HCN1: variants seen among roughly 807,000 people sequenced by gnomAD.
The protein encoded by HCN1 is hyperpolarization activated cyclic nucleotide gated potassium channel 1, also known as potassium/sodium hyperpolarization-activated cyclic nucleotide-gated channel 1.
In HCN1, 13 loss-of-function variants were observed where a neutral mutation model predicts 78.9. The ratio of observed to expected loss-of-function variants is 0.16; its 90% CI spans 0.11 to 0.26. The LOEUF (loss-of-function observed/expected upper bound fraction) is 0.26, where lower values mean the gene tolerates loss of function less well. Ranked by LOEUF, HCN1 falls within the 10% of genes least tolerant of loss-of-function variation. HCN1 has a pLI of 1.00. For synonymous variants in HCN1, 552 were observed against 455.5 expected (o/e 1.21, Z -2.70); for missense variants, 810 against 1,154.3 (o/e 0.70, Z 4.32).
In HCN1 at chr5:45,399,195, C is replaced by G. The variant is rs139436137; in HGVS notation, c.1012-2485G>C. ...TCTCCTGCTGCTACAGATAGTCACT[C>G]CTAATCTGGGACCAGTCCTGGTTTG... On this transcript the variant is annotated intron_variant, in intron 3 of 7. Transcript: ENST00000303230. Among the ~76,000 whole-genome samples, 900 of 152,246 alleles carry G rather than the reference C, an allele frequency of 5.9e-3. 13 individuals are homozygous for G. The highest frequency in any genetic ancestry group is 0.019 in the African/African-American group (788 of 41,536).
chr5:45,474,282 T>C (rs752910857), intron 2 of HCN1, among the ~76,000 whole-genome samples: 7 of 151,878 alleles, frequency 4.6e-5, no homozygotes, highest in East Asian at 1.9e-4. Flanking sequence ...ATCCTCTACA[T>C]AGTATAATAC....
chr5:45,581,327 A>T (rs1261870092), intron 2 of HCN1, among the ~76,000 whole-genome samples: 2 of 152,134 alleles, frequency 1.3e-5, no homozygotes, highest in Admixed American at 1.3e-4. Flanking sequence ...TCGGCTGAGA[A>T]GTGTCTGTTT....
At chr5:45,477,904 G>T (rs1741553146) in intron 2 of HCN1, among the ~76,000 whole-genome samples, 1 of 152,072 alleles carries the variant, frequency 6.6e-6, no homozygotes, top group Non-Finnish European at 1.5e-5. Context: ...GGTTAACTTG[G>T]AATATATTAT....
In HCN1 at chr5:45,359,013, T is replaced by C. The variant is rs1400642760; in HGVS notation, c.1231-5767A>G. On this transcript the variant is annotated intron_variant, in intron 4 of 7. Transcript: ENST00000303230. Reference sequence around the variant, plus strand: ...TCTGTCTTGCCATGCCATAAGCCCCTATTCTTTCTGTAACCCCAAGATGGT... The same window carrying C: ...TCTGTCTTGCCATGCCATAAGCCCCCATTCTTTCTGTAACCCCAAGATGGT... Among the ~76,000 whole-genome samples the C allele has an allele frequency of 2.0e-5, 3 of 152,136 alleles. No individual in the cohort carries two copies. In the East Asian group the frequency reaches 5.8e-4, roughly 29 times the overall value.
chr5:45,281,132 G>T (rs1017001904), intron 6 of HCN1, among the ~76,000 whole-genome samples: 1 of 152,068 alleles, frequency 6.6e-6, no homozygotes, highest in African/African-American at 2.4e-5. Context: ...TTAGTATGTT[G>T]ATATGGTTTG....
At chr5:45,399,733 C>T (rs1739756193) in intron 3 of HCN1, among the ~76,000 whole-genome samples, 1 of 152,016 alleles carries the variant, frequency 6.6e-6, no homozygotes, top group Non-Finnish European at 1.5e-5. Flanking sequence ...AAATAACTAG[C>T]CCCATTTAGC....
At chr5:45,324,044 T>A (rs970648406) in intron 5 of HCN1, among the ~76,000 whole-genome samples, 3 of 151,740 alleles carry the variant, frequency 2.0e-5, no homozygotes, top group Non-Finnish European at 4.4e-5. Context: ...TCTTTATAGC[T>A]GCATGATTTA....
chr5:45,500,720 C>G (rs566750217), intron 2 of HCN1, among the ~76,000 whole-genome samples: 1 of 152,074 alleles, frequency 6.6e-6, no homozygotes, highest in Non-Finnish European at 1.5e-5. Flanking sequence ...CAAAATCACA[C>G]AAAAAGTTTT....
At chr5:45,443,666 T>G (rs1320879984) in intron 3 of HCN1, among the ~76,000 whole-genome samples, 1 of 152,112 alleles carries the variant, frequency 6.6e-6, no homozygotes. Context: ...ATGTTAGGGC[T>G]GACATTACTT....
intron 2 of HCN1, among the ~76,000 whole-genome samples, chr5:45,498,616 C>T (rs528962828): frequency 3.3e-5 from 5 of 152,298 alleles, no homozygotes; most frequent in Non-Finnish European, 7.3e-5. Flanking sequence ...AGCTTCCTTC[C>T]GTTGCTGGTG....
intron 2 of HCN1, among the ~76,000 whole-genome samples, chr5:45,596,592 T>C (rs1178184844): frequency 6.6e-6 from 1 of 152,206 alleles, no homozygotes; most frequent in Admixed American, 6.5e-5. Context: ...GAACAGGGAA[T>C]TAGAACATGG....
chr5:45,430,525 T>A (rs527991092), intron 3 of HCN1, among the ~76,000 whole-genome samples: 1 of 152,266 alleles, frequency 6.6e-6, no homozygotes, highest in South Asian at 2.1e-4. Context: ...TTCCCACTTA[T>A]AAGCGAGAAT....
At chr5:45,664,370 G>A (rs1745988914) in intron 1 of HCN1, among the ~76,000 whole-genome samples, 1 of 144,390 alleles carries the variant, frequency 6.9e-6, no homozygotes, top group Admixed American at 7.0e-5. Flanking sequence ...TGACACGTTA[G>A]TGGGTGCAGC....
rs561621037 is a variant in HCN1 at position 45,679,814 on chromosome 5, G to A, written c.425+15855C>T. On this transcript the variant is annotated intron_variant, in intron 1 of 7. Transcript: ENST00000303230. ...ATATTGCCTTACATGGCTGTATTTC[G>A]TAAATGTCTATAGCAATGGGCCTGT... 6.1e-4 allele frequency among the ~76,000 whole-genome samples: 92 copies of A among 152,036 alleles called. 1 individual carries two copies. In the South Asian group the frequency reaches 7.1e-3, roughly 12 times the overall value.
chr5:45,270,375 C>G (rs1218530414), intron 6 of HCN1, among the ~76,000 whole-genome samples: 1 of 152,182 alleles, frequency 6.6e-6, no homozygotes, highest in African/African-American at 2.4e-5. Context: ...AATAAGGTAA[C>G]TACTGTTAGT....
intron 2 of HCN1, among the ~76,000 whole-genome samples, chr5:45,546,705 G>A (rs962019191): frequency 6.6e-6 from 1 of 151,312 alleles, no homozygotes; most frequent in East Asian, 2.0e-4. Flanking sequence ...AATTTATAAC[G>A]CACCTATCCT....
chr5:45,342,113 G>GA (rs1017843992), intron 5 of HCN1, among the ~76,000 whole-genome samples: 1 of 152,100 alleles, frequency 6.6e-6, no homozygotes, highest in Non-Finnish European at 1.5e-5. Flanking sequence ...TCATTGCTTA[G>GA]AAAAGGGTCT....
chr5:45,460,216 G>A (rs967058216), intron 3 of HCN1, among the ~76,000 whole-genome samples: 1 of 152,128 alleles, frequency 6.6e-6, no homozygotes, highest in Non-Finnish European at 1.5e-5. Context: ...TTTAGGTCAT[G>A]ATTGCTTTGC....
chr5:45,423,282 G>A (rs920370433), intron 3 of HCN1, among the ~76,000 whole-genome samples: 10 of 152,144 alleles, frequency 6.6e-5, no homozygotes, highest in Non-Finnish European at 1.2e-4. Context: ...TCAAGAAGCA[G>A]AATAGAGATG....
Sources: gnomAD v4.1 joint callset for allele counts (sites outside exome capture counted in the v4.1 genomes callset) on GRCh38, gnomAD v4.1.1 for gene constraint, MANE v1.5 for transcripts, NCBI Gene and HGNC (gene_info 2026-07-23, HGNC 2026-07-21) for gene names.